ADAM7: variants seen among roughly 807,000 people sequenced by gnomAD.
The protein encoded by ADAM7 is ADAM metallopeptidase domain 7.
A neutral mutation model predicts 102.9 loss-of-function variants in ADAM7; 97 were observed. The ratio of observed to expected loss-of-function variants is 0.94; its 90% CI spans 0.80 to 1.12. The LOEUF (loss-of-function observed/expected upper bound fraction) is 1.12. Among genes scored for constraint, ADAM7 ranks in the 50% most tolerant of loss-of-function variants. The pLI is 0.00. For synonymous variants in ADAM7, 334 were observed against 304.4 expected, an observed-to-expected ratio of 1.10 and a Z score of -1.01; for missense variants, 991 against 908.7, an observed-to-expected ratio of 1.09 and a Z score of -1.16.
In ADAM7 at chr8:24,465,730, A is replaced by G. The variant is rs746374813; in HGVS notation, c.344A>G (p.His115Arg). ...DHCFYQGSIV[H>R]EYDSAASIST... ...TGTTTTTACCAAGGATCCATAGTAC[A>G]CGAATATGATTCAGCTGCCAGTATC... Residue 115 changes from histidine to arginine, a missense_variant, in exon 5 of 22, where the codon CAC becomes CGC. Physicochemically the swap from His to Arg is conservative, Grantham distance 29. Transcript: ENST00000175238. 1 of 1,610,900 alleles carries G rather than the reference A, an allele frequency of 6.2e-7. No homozygotes were observed. Among genetic ancestry groups the G allele is most frequent in the East Asian group, 2.2e-5 (1 of 44,716 alleles).
intron 3 of ADAM7, among the ~76,000 whole-genome samples, chr8:24,456,536 C>T (rs1329818156): frequency 1.3e-5 from 2 of 152,014 alleles, no homozygotes; most frequent in African/African-American, 4.8e-5. Context: ...GGCAAATGCA[C>T]ATATCTATAA....
intron 17 of ADAM7, 33 bp from the exon 18 acceptor site, chr8:24,500,145 C>T (rs1820705188): frequency 6.4e-6 from 10 of 1,573,760 alleles, no homozygotes; most frequent in Admixed American, 5.3e-5. Context: ...TTATATCAGT[C>T]ATTTGAGAAT....
At chr8:24,490,623 T>C in intron 12 of ADAM7, 176 bp from the exon 13 acceptor site, 1 of 591,376 alleles carries the variant, frequency 1.7e-6, no homozygotes, top group East Asian at 2.9e-5. Flanking sequence ...GAAGGAGAAA[T>C]AGTTAAAGTC....
At chr8:24,483,286 T>C (rs1413076324) in intron 9 of ADAM7, among the ~76,000 whole-genome samples, 3 of 152,168 alleles carry the variant, frequency 2.0e-5, no homozygotes, top group African/African-American at 7.2e-5. Flanking sequence ...CAACCTAATA[T>C]TTAGCACAGT....
chr8:24,452,462 A>G, intron 3 of ADAM7, among the ~76,000 whole-genome samples: 1 of 151,218 alleles, frequency 6.6e-6, no homozygotes, highest in Non-Finnish European at 1.5e-5. Context: ...ATCAGAGACT[A>G]GGATTGCAAC....
intron 3 of ADAM7, among the ~76,000 whole-genome samples, chr8:24,453,651 C>T (rs566652343): frequency 5.9e-4 from 90 of 152,342 alleles, no homozygotes; most frequent in African/African-American, 1.2e-3. Flanking sequence ...TCTCTCACCT[C>T]GTCAAAGTCA....
chr8:24,488,975 A>C (rs530579139), intron 11 of ADAM7, among the ~76,000 whole-genome samples, 184 bp from the exon 12 acceptor site: 1 of 152,282 alleles, frequency 6.6e-6, no homozygotes, highest in South Asian at 2.1e-4. Flanking sequence ...ATTTTCACTA[A>C]CATAGCATGT....
At position 24,479,049 on chromosome 8, in the gene ADAM7, T is replaced by A. The variant is rs191429224; in HGVS notation, c.705+2545T>A. Among the ~76,000 whole-genome samples the A allele has an allele frequency of 1.1e-4, 17 of 152,254 alleles. 1 individual carries two copies. In the South Asian group the frequency reaches 1.7e-3, roughly 15 times the overall value. On this transcript the variant is annotated intron_variant, in intron 8 of 21. Coordinates refer to ENST00000175238, the MANE Select transcript of ADAM7 (RefSeq NM_003817.4). ...TGGGGAGTTTTTCTCCATATTTCTGTTCCTTTCTCGACTTTAGGCTTTTAT... is the reference window on the plus strand; with the variant it reads ...TGGGGAGTTTTTCTCCATATTTCTGATCCTTTCTCGACTTTAGGCTTTTAT...
intron 3 of ADAM7, among the ~76,000 whole-genome samples, chr8:24,462,605 A>G (rs773310450): frequency 1.2e-4 from 19 of 152,076 alleles, no homozygotes; most frequent in Non-Finnish European, 2.4e-4. Context: ...CTCGGTACCT[A>G]GATCCTTGAG....
rs188845475 is a variant in ADAM7, at chr8:24,495,985, T to C, written c.1842+2756T>C. Among the ~76,000 whole-genome samples, 4 of 152,330 alleles carry C rather than the reference T, an allele frequency of 2.6e-5. No homozygotes were observed. In the East Asian group the frequency reaches 7.7e-4, roughly 29 times the overall value. On this transcript the variant is annotated intron_variant, in intron 16 of 21. Transcript: ENST00000175238. ...ATGGGGAAAATGTCTCCAGAGCATG[T>C]CACAGGTCTTCATAGCAGCCCCTCC...
Position 24,467,028 on chromosome 8 carries a change from CT to C in ADAM7, c.579+44del, listed in dbSNP as rs745709897. ...ATTATCTTTACCCCAAATGAAACAC[CT>C]TTTATTTTCTTGATGATGTCTAGGG... On this transcript the variant is annotated intron_variant, in intron 6 of 21. Transcript: ENST00000175238. 44 of 1,533,010 alleles carry C rather than the reference CT, an allele frequency of 2.9e-5. 1 individual carries two copies. In the Admixed American group the frequency reaches 6.4e-4, roughly 22 times the overall value. 95.0% of individuals were successfully genotyped at this position (1,533,010 alleles called of 1,614,324 possible).
At position 24,468,772 on chromosome 8, in the gene ADAM7, C is replaced by T; in HGVS notation, c.585C>T (p.Ile195=). 8.1e-6 allele frequency: 13 copies of T among 1,612,990 alleles called. No homozygotes were observed. Among genetic ancestry groups the T allele is most frequent in the Non-Finnish European group, 1.0e-5 (12 of 1,179,568 alleles). The change falls in exon 7 of 22, where the codon ATC becomes ATT. Residue 195 remains isoleucine (I), a synonymous_variant. Coordinates refer to ENST00000175238, the MANE Select transcript of ADAM7 (RefSeq NM_003817.4). ...AATTTTCCCTAACTTTACAGGGCAT[C>T]CATGATGAAAAGTATGTTGAATTGT... The part of the protein sequence containing the change: ...ESEEDSKIKG[I]HDEKYVELFI...
chr8:24,492,156 T>C lies in ADAM7; in HGVS notation c.1552+58T>C, dbSNP rs920289634. On this transcript the variant is annotated intron_variant, in intron 14 of 21. Coordinates refer to ENST00000175238, the MANE Select transcript of ADAM7 (RefSeq NM_003817.4). ...GATGGTGGCCTCTATTTCTCTGTTA[T>C]TGCCCTGTAGGAATTGGGTCAAGAT... 10 of 1,518,188 alleles carry C rather than the reference T, an allele frequency of 6.6e-6. No homozygotes were observed. The Admixed American group carries it at 7.6e-5, about 11-fold the overall frequency. 94.0% of individuals were successfully genotyped at this position (1,518,188 alleles called of 1,614,324 possible).
chr8:24,490,514 G>T (rs1820305410), intron 12 of ADAM7: 2 of 296,178 alleles, frequency 6.8e-6, no homozygotes, highest in Non-Finnish European at 1.3e-5. Context: ...ACCCTTCAAG[G>T]AAATGGAGAT....
Position 24,442,493 on chromosome 8 carries a change from G to C in ADAM7, c.73G>C (p.Glu25Gln), listed in dbSNP as rs34852692. 2,651 of 1,613,908 alleles carry C rather than the reference G, an allele frequency of 1.6e-3. 44 individuals carry two copies. The African/African-American group carries it at 0.032, about 19-fold the overall frequency. The change falls in exon 2 of 22, where the codon GAG (glutamate) becomes CAG (glutamine). Residue 25 changes from glutamate to glutamine, a missense_variant. By Grantham distance (29) the Glu-to-Gln change is conservative (BLOSUM62 2). Coordinates refer to ENST00000175238, the MANE Select transcript of ADAM7 (RefSeq NM_003817.4). ...CGTAGAAAAGTTCATCCTTGGAGTA[G>C]AGGGTCAACAACTGGTTCGTCCTAA... ...QVKEKFILGV[E>Q]GQQLVRPKKL...
intron 8 of ADAM7, among the ~76,000 whole-genome samples, chr8:24,478,876 A>T (rs1819856481): frequency 6.6e-6 from 1 of 152,138 alleles, no homozygotes; most frequent in Non-Finnish European, 1.5e-5. Context: ...GAAATGGTAC[A>T]CTTCCTCTTT....
chr8:24,501,712 C>A, intron 20 of ADAM7, 136 bp downstream of exon 20: 1 of 562,670 alleles, frequency 1.8e-6, no homozygotes, highest in Non-Finnish European at 3.0e-6. Context: ...GTTCCACACA[C>A]ATGAAGCTTT....
chr8:24,446,718 C>G (rs766778193), intron 2 of ADAM7, among the ~76,000 whole-genome samples: 2 of 151,620 alleles, frequency 1.3e-5, no homozygotes, highest in Non-Finnish European at 2.9e-5. Context: ...TTTAAAAATG[C>G]GTGAACAGGA....
chr8:24,465,955 C>T (rs568830009), intron 5 of ADAM7, among the ~76,000 whole-genome samples, 180 bp downstream of exon 5: 103 of 152,232 alleles, frequency 6.8e-4, no homozygotes, highest in African/African-American at 2.1e-3. Context: ...CAAAGAGATG[C>T]CTAATGCATA....
Sources: gnomAD v4.1 joint callset for allele counts (sites outside exome capture counted in the v4.1 genomes callset) on GRCh38, gnomAD v4.1.1 for gene constraint, MANE v1.5 for transcripts, NCBI Gene and HGNC (gene_info 2026-07-23, HGNC 2026-07-21) for gene names.